The following BCL6 variants were observed in gnomAD, a reference collection of about 807,000 sequenced individuals.
The protein encoded by BCL6 is BCL6 transcription repressor.
BCL6 carries 7 observed loss-of-function variants against 59.5 expected under a neutral mutation model. The ratio of observed to expected loss-of-function variants is 0.12; its 90% CI spans 0.07 to 0.22. BCL6 has a LOEUF of 0.22. Ranked by LOEUF, BCL6 falls within the 10% of genes least tolerant of loss-of-function variation. The pLI, the probability that BCL6 is intolerant of heterozygous loss-of-function variation, is 1.00. For missense variants in BCL6, 685 were observed against 939.4 expected (o/e 0.73, Z 3.54); for synonymous variants, 339 against 349.7 (o/e 0.97, Z 0.34).
rs1391489070 is a variant in BCL6 at position 187,725,402 on chromosome 3, A to ACTTGCCTGCCCACTCCTCCG, written c.1839+77_1839+96dup. The stretch of plus-strand genomic sequence containing the variant: ...CCCGCTCCGCTTGCCTGCCCGCTCC[A>ACTTGCCTGCCCACTCCTCCG]CTTGCCTGCCCACTCCTCCGCTTGC... On this transcript the variant is annotated intron_variant, in intron 8 of 9. Transcript: ENST00000406870. This position sits in a 1 kb window ranked among gnomAD's most constrained non-coding sequence, Gnocchi z 4.7. 1.3e-5 allele frequency: 19 copies of ACTTGCCTGCCCACTCCTCCG among 1,503,132 alleles called. No individual in the cohort carries two copies. The Admixed American group carries it at 2.1e-4, about 17-fold the overall frequency. 93.1% of individuals were successfully genotyped at this position (1,503,132 alleles called of 1,614,324 possible). A position where few individuals can be genotyped will look rare whatever the true frequency, so the allele number is the denominator to read the frequency against.
intron 1 of BCL6, among the ~76,000 whole-genome samples, chr3:187,744,737 G>C (rs534370756): frequency 2.0e-5 from 3 of 152,188 alleles, no homozygotes; most frequent in South Asian, 2.1e-4. Context: ...GAGTTACCCA[G>C]AAGGACAGGG....
intron 4 of BCL6, 52 bp downstream of exon 4, chr3:187,731,657 A>G (rs1309145769): frequency 6.4e-7 from 1 of 1,565,106 alleles, no homozygotes; most frequent in Non-Finnish European, 8.8e-7. Flanking sequence ...AAGGTTTCTG[A>G]TCGGGGACTA....
At chr3:187,722,652 T>C (rs753757751) in intron 9 of BCL6, 51 bp from the exon 10 acceptor site, 1 of 1,585,552 alleles carries the variant, frequency 6.3e-7, no homozygotes, top group Non-Finnish European at 8.6e-7. Context: ...CCAAGAAAGA[T>C]GTCATTGCTC....
intron 1 of BCL6, among the ~76,000 whole-genome samples, 163 bp downstream of exon 1, chr3:187,745,247 C>G (rs189043889): frequency 8.6e-5 from 13 of 151,752 alleles, no homozygotes; most frequent in Middle Eastern, 3.4e-3. Context: ...TCAATAGATA[C>G]ACATAGAAAA....
intron 1 of BCL6, among the ~76,000 whole-genome samples, chr3:187,744,605 T>A (rs537780410): frequency 6.6e-6 from 1 of 152,114 alleles, no homozygotes; most frequent in Admixed American, 6.5e-5. Context: ...CCCAAAGAGT[T>A]CGCTTGCATT....
At chr3:187,739,160 G>T (rs948043774) in intron 1 of BCL6, among the ~76,000 whole-genome samples, 2 of 152,138 alleles carry the variant, frequency 1.3e-5, no homozygotes, top group African/African-American at 4.8e-5. Flanking sequence ...TGGATTATTG[G>T]TAATCTAATA....
chr3:187,743,902 C>G (rs546769915), intron 1 of BCL6, among the ~76,000 whole-genome samples: 2 of 152,290 alleles, frequency 1.3e-5, no homozygotes, highest in South Asian at 2.1e-4. Flanking sequence ...AAATCACTCA[C>G]AAAGATCTCC....
At chr3:187,741,979 C>CA (rs1206770570) in intron 1 of BCL6, among the ~76,000 whole-genome samples, 3,785 of 146,934 alleles carry the variant, frequency 0.026, 145 homozygotes, top group African/African-American at 0.088. Context: ...CTCCCCCCAC[C>CA]AAAAAAAAAA....
chr3:187,723,362 C>T (rs762952276), intron 9 of BCL6, among the ~76,000 whole-genome samples: 1 of 151,862 alleles, frequency 6.6e-6, no homozygotes, highest in African/African-American at 2.4e-5. Flanking sequence ...ATGGGGTAAT[C>T]TAGATGAGAT....
At chr3:187,743,022 CT>C (rs3054746) in intron 1 of BCL6, among the ~76,000 whole-genome samples, 2,026 of 146,492 alleles carry the variant, frequency 0.014, 21 homozygotes, top group South Asian at 0.023. Context: ...GCCGCCCCCT[CT>C]TTTTTTTTTT....
intron 2 of BCL6, 183 bp from the exon 3 acceptor site, chr3:187,733,886 G>A (rs1719163382): frequency 1.6e-6 from 1 of 635,138 alleles, no homozygotes; most frequent in Non-Finnish European, 2.7e-6. Context: ...AAAATGGGGA[G>A]AATAACTTTT....
intron 1 of BCL6, among the ~76,000 whole-genome samples, chr3:187,741,476 C>T (rs547169566): frequency 6.6e-6 from 1 of 152,092 alleles, no homozygotes; most frequent in African/African-American, 2.4e-5. Context: ...CACTCAGGCT[C>T]ACTGCGCCTG....
chr3:187,744,614 T>A (rs571857110), intron 1 of BCL6, among the ~76,000 whole-genome samples: 1 of 152,106 alleles, frequency 6.6e-6, no homozygotes, highest in Non-Finnish European at 1.5e-5. Flanking sequence ...TTCGCTTGCA[T>A]TTTTTCCTTC....
intron 1 of BCL6, among the ~76,000 whole-genome samples, chr3:187,743,761 A>T (rs1711717753): frequency 1.2e-5 from 1 of 83,220 alleles, no homozygotes; most frequent in African/African-American, 4.9e-5. Context: ...CCCGGAGCTC[A>T]GCCGATTTCT....
chr3:187,745,158 G>C (rs186235514), intron 1 of BCL6, among the ~76,000 whole-genome samples: 4 of 152,214 alleles, frequency 2.6e-5, no homozygotes, highest in South Asian at 2.1e-4. Context: ...TATATCCTAT[G>C]GTGGGAGAGA....
intron 5 of BCL6, 61 bp from the exon 6 acceptor site, chr3:187,728,605 C>T: frequency 6.6e-7 from 1 of 1,513,870 alleles, no homozygotes; most frequent in Non-Finnish European, 8.8e-7. Context: ...CCACCCTCTC[C>T]TCCCTGTGTG....
chr3:187,745,045 C>A (rs1711859377), intron 1 of BCL6, among the ~76,000 whole-genome samples: 2 of 152,118 alleles, frequency 1.3e-5, no homozygotes, highest in Admixed American at 6.5e-5. Flanking sequence ...TCCTCCACCT[C>A]CTTTCCAAAA....
chr3:187,745,038 T>G (rs1392167461), intron 1 of BCL6, among the ~76,000 whole-genome samples: 1 of 150,878 alleles, frequency 6.6e-6, no homozygotes, highest in African/African-American at 2.4e-5. Flanking sequence ...CTTCCTCTCC[T>G]CCACCTCCTT....
chr3:187,745,240 A>T (rs1439080301), intron 1 of BCL6, among the ~76,000 whole-genome samples, 170 bp downstream of exon 1: 3 of 152,270 alleles, frequency 2.0e-5, no homozygotes, highest in Admixed American at 1.3e-4. Flanking sequence ...ATTTATATCA[A>T]TAGATACACA....
Sources: gnomAD v4.1 joint callset for allele counts (sites outside exome capture counted in the v4.1 genomes callset) on GRCh38, gnomAD v4.1.1 for gene constraint, Gnocchi (gnomAD v3.1) non-coding constraint, MANE v1.5 for transcripts, NCBI Gene and HGNC (gene_info 2026-07-23, HGNC 2026-07-21) for gene names.